Variants in MEF2C observed in about 807,000 individuals in gnomAD.
MEF2C encodes myocyte enhancer factor 2C, also known as myocyte-specific enhancer factor 2C.
A neutral mutation model predicts 50.5 loss-of-function variants in MEF2C; 6 were observed. That is an observed-to-expected ratio of 0.12 (90% CI 0.07 to 0.23). The LOEUF (loss-of-function observed/expected upper bound fraction) is 0.23, where lower values mean the gene tolerates loss of function less well. Among genes scored for constraint, MEF2C ranks in the 10% least tolerant of loss-of-function variants. The probability of loss-of-function intolerance (pLI) is 1.00; values close to 1 mark genes in which losing one functional copy is unlikely to be tolerated. For missense variants in MEF2C, 276 were observed against 605.0 expected (o/e 0.46, Z 5.70); for synonymous variants, 183 against 228.0 (o/e 0.80, Z 1.78).
At position 88,824,044 on chromosome 5, in the gene MEF2C, G is replaced by A. The variant is rs1433466761; in HGVS notation, c.-142-114C>T. ...CTATATGGAGCTAAAGCAATAAAAT[G>A]AATAAAAATAACTTTTTTGTTAAAA... is the stretch of plus-strand genomic sequence containing the variant. On this transcript the variant is annotated intron_variant, in intron 1 of 10. Coordinates refer to ENST00000504921, the MANE Select transcript of MEF2C (RefSeq NM_002397.5). The A allele has an allele frequency of 1.7e-5, 18 of 1,051,612 alleles. No individual in the cohort carries two copies. In the East Asian group the frequency reaches 6.8e-4, roughly 40 times the overall value. 65.1% of individuals were successfully genotyped at this position (1,051,612 alleles called of 1,614,324 possible).
intron 3 of MEF2C, among the ~76,000 whole-genome samples, chr5:88,774,133 G>C (rs951561442): frequency 2.0e-5 from 3 of 152,184 alleles, no homozygotes; most frequent in East Asian, 1.9e-4. Context: ...CTGGGGAAAA[G>C]GCTCCTTGCA....
chr5:88,736,733 A>G, intron 6 of MEF2C: 4 of 985,372 alleles, frequency 4.1e-6, no homozygotes, highest in Non-Finnish European at 3.6e-6. Flanking sequence ...ATGAGTGCTT[A>G]ACACAGTTGA....
intron 4 of MEF2C, among the ~76,000 whole-genome samples, chr5:88,757,783 G>T (rs1776023201): frequency 6.6e-6 from 1 of 152,108 alleles, no homozygotes; most frequent in African/African-American, 2.4e-5. Flanking sequence ...AGACCTGGTG[G>T]CAGGCACCTG....
At position 88,789,970 on chromosome 5, in the gene MEF2C, A is replaced by C. The variant is rs1450328906; in HGVS notation, c.258+14628T>G. 5.3e-5 allele frequency among the ~76,000 whole-genome samples: 8 copies of C among 152,182 alleles called. No homozygotes were observed. The South Asian group carries it at 6.2e-4, about 12-fold the overall frequency. On this transcript the variant is annotated intron_variant, in intron 3 of 10. Coordinates refer to ENST00000504921, the MANE Select transcript of MEF2C (RefSeq NM_002397.5). The stretch of plus-strand genomic sequence containing the variant: ...TAATGAAAAAGTTATGGGTACTACT[A>C]TCTCTCTGCACCCAAGGCACATGCC...
At chr5:88,809,541 A>G (rs926827219) in intron 2 of MEF2C, among the ~76,000 whole-genome samples, 2 of 152,174 alleles carry the variant, frequency 1.3e-5, no homozygotes, top group African/African-American at 4.8e-5. Flanking sequence ...TAACGTTTAA[A>G]AGGAATTTTC....
chr5:88,852,151 G>C (rs1821591309), intron 1 of MEF2C, among the ~76,000 whole-genome samples: 1 of 152,042 alleles, frequency 6.6e-6, no homozygotes, highest in Non-Finnish European at 1.5e-5. Flanking sequence ...ACTGTATGTT[G>C]AACTGTATGT....
At chr5:88,819,633 C>G (rs576575765) in intron 2 of MEF2C, among the ~76,000 whole-genome samples, 1 of 152,016 alleles carries the variant, frequency 6.6e-6, no homozygotes, top group African/African-American at 2.4e-5. Flanking sequence ...AATAAAGTAC[C>G]TCCTATTATT....
At chr5:88,753,712 G>A (rs546336867) in intron 4 of MEF2C, among the ~76,000 whole-genome samples, 68 of 152,110 alleles carry the variant, frequency 4.5e-4, no homozygotes, top group African/African-American at 1.5e-3. Flanking sequence ...TGTTTTAGAG[G>A]GAAATAAAAA....
chr5:88,821,202 T>C lies in MEF2C; in HGVS notation c.54+2533A>G, dbSNP rs545665530. Reference sequence around the variant, plus strand: ...GTAACAGCCACTGTAGCTGCAACTATATATAAAAAAAGAAAAGATATTCAA... The same window carrying C: ...GTAACAGCCACTGTAGCTGCAACTACATATAAAAAAAGAAAAGATATTCAA... On this transcript the variant is annotated intron_variant, in intron 2 of 10. Transcript: ENST00000504921. 3.7e-4 allele frequency among the ~76,000 whole-genome samples: 56 copies of C among 152,068 alleles called. No homozygotes were observed. In the Middle Eastern group the frequency reaches 0.01, roughly 28 times the overall value.
intron 10 of MEF2C, among the ~76,000 whole-genome samples, chr5:88,727,207 C>T (rs1255281009): frequency 1.3e-5 from 2 of 151,994 alleles, no homozygotes; most frequent in Non-Finnish European, 2.9e-5. Context: ...TTTAAGTGTC[C>T]TAAAAAGATA....
At chr5:88,812,605 T>C (rs1294491859) in intron 2 of MEF2C, among the ~76,000 whole-genome samples, 1 of 143,794 alleles carries the variant, frequency 7.0e-6, no homozygotes, top group African/African-American at 2.6e-5. Flanking sequence ...TATTTGATAA[T>C]TTTTTCTAAG....
chr5:88,826,367 G>T (rs1380062998), intron 1 of MEF2C, among the ~76,000 whole-genome samples: 3 of 151,864 alleles, frequency 2.0e-5, no homozygotes, highest in Admixed American at 6.6e-5. Context: ...ATTTCTTGAG[G>T]TATTGCCTTC....
chr5:88,733,710 T>C lies in MEF2C; in HGVS notation c.638-1809A>G, dbSNP rs951397823. On this transcript the variant is annotated intron_variant, in intron 6 of 10. Transcript: ENST00000504921. ...TTTATGCATGAATAAACAGGCTGAATATATAACAAATAACTACAAGATTAA... is the reference window on the plus strand; with the variant it reads ...TTTATGCATGAATAAACAGGCTGAACATATAACAAATAACTACAAGATTAA... 6.1e-6 allele frequency: 6 copies of C among 985,160 alleles called. No homozygotes were observed. In the African/African-American group the frequency reaches 8.7e-5, roughly 14 times the overall value. 61.0% of individuals were successfully genotyped at this position (985,160 alleles called of 1,614,324 possible).
chr5:88,763,656 C>G (rs969355605), intron 3 of MEF2C, among the ~76,000 whole-genome samples: 1 of 141,334 alleles, frequency 7.1e-6, no homozygotes, highest in Admixed American at 7.1e-5. Context: ...TTCTTTCTTT[C>G]TTTTTTTTTT....
At chr5:88,791,118 A>G (rs927547393) in intron 3 of MEF2C, among the ~76,000 whole-genome samples, 1 of 152,170 alleles carries the variant, frequency 6.6e-6, no homozygotes, top group Admixed American at 6.6e-5. Flanking sequence ...AGCCAATGTT[A>G]GTTTTACTTA....
rs1419274526 is a variant in MEF2C at position 88,868,632 on chromosome 5, G to A, written c.-143+14323C>T. Reference sequence around the variant, plus strand: ...ACAATTCTCCCCCACCTCTACCACCGGTACTTTAAGGAGAAGAGAGAGAGG... The same window carrying A: ...ACAATTCTCCCCCACCTCTACCACCAGTACTTTAAGGAGAAGAGAGAGAGG... On this transcript the variant is annotated intron_variant, in intron 1 of 10. Transcript: ENST00000504921. Among the ~76,000 whole-genome samples, 4 of 151,988 alleles carry A rather than the reference G, an allele frequency of 2.6e-5. 1 individual carries two copies. The highest frequency in any genetic ancestry group is 4.1e-4 in the South Asian group (2 of 4,820).
At chr5:88,766,837 A>G (rs1185960885) in intron 3 of MEF2C, 30 of 984,380 alleles carry the variant, frequency 3.0e-5, no homozygotes, top group Admixed American at 6.2e-5. Flanking sequence ...AAAAACCAAG[A>G]AAAAAAAGCA....
intron 3 of MEF2C, among the ~76,000 whole-genome samples, chr5:88,777,894 C>CTTT (rs1354231132): frequency 3.0e-5 from 2 of 66,386 alleles, no homozygotes; most frequent in Admixed American, 1.6e-4. Context: ...CTAAATTTTT[C>CTTT]TTTTCTTTTT....
At chr5:88,798,503 T>A (rs1796961318) in intron 3 of MEF2C, among the ~76,000 whole-genome samples, 1 of 152,102 alleles carries the variant, frequency 6.6e-6, no homozygotes, top group South Asian at 2.1e-4. Context: ...TCATTTATGT[T>A]CTTCTCTAAA....
Sources: allele counts gnomAD v4.1 joint callset (sites outside exome capture counted in the v4.1 genomes callset), GRCh38; gene constraint gnomAD v4.1.1; transcripts MANE v1.5; gene names NCBI Gene and HGNC (gene_info 2026-07-23, HGNC 2026-07-21).